Variants in TMEFF2 observed in about 807,000 individuals in gnomAD.
The protein encoded by TMEFF2 is transmembrane protein with EGF like and two follistatin like domains 2.
In TMEFF2, 28 loss-of-function variants were observed where a neutral mutation model predicts 53.8. The observed-to-expected ratio is 0.52, with a 90% CI of 0.39 to 0.71. TMEFF2 has a LOEUF of 0.71. Ranked by LOEUF, TMEFF2 falls within the 30% of genes least tolerant of loss-of-function variation. TMEFF2 has a pLI of 0.00. For missense variants in TMEFF2, 353 were observed against 455.2 expected (o/e 0.78, Z 2.04); for synonymous variants, 162 against 166.3 (o/e 0.97, Z 0.20).
intron 4 of TMEFF2, among the ~76,000 whole-genome samples, chr2:192,109,495 C>T (rs370800915): frequency 5.3e-5 from 8 of 151,782 alleles, no homozygotes; most frequent in Non-Finnish European, 1.2e-4. Flanking sequence ...AAATTTTTAA[C>T]CAACAATAAA....
chr2:191,972,517 T>C (rs1230690498), intron 7 of TMEFF2, among the ~76,000 whole-genome samples: 1 of 151,640 alleles, frequency 6.6e-6, no homozygotes, highest in East Asian at 1.9e-4. Flanking sequence ...ATCTGTCTGT[T>C]ACTAAAAATT....
At chr2:192,031,240 A>C (rs1687129070) in intron 5 of TMEFF2, 1 of 152,222 alleles carries the variant, frequency 6.6e-6, no homozygotes, top group Admixed American at 6.5e-5. Context: ...TATTTATATT[A>C]AACTACATAT....
chr2:192,136,927 A>G (rs1366127984), intron 4 of TMEFF2, among the ~76,000 whole-genome samples: 1 of 152,228 alleles, frequency 6.6e-6, no homozygotes, highest in African/African-American at 2.4e-5. Context: ...GGCAGTTATA[A>G]TCTACTTAGG....
intron 7 of TMEFF2, among the ~76,000 whole-genome samples, chr2:191,959,300 T>G (rs1236885693): frequency 6.6e-6 from 1 of 152,328 alleles, no homozygotes; most frequent in Middle Eastern, 3.4e-3. Context: ...TTACAAATGG[T>G]TTGTTCTAGA....
chr2:192,153,543 C>T (rs1017344816), intron 4 of TMEFF2, among the ~76,000 whole-genome samples: 1 of 151,842 alleles, frequency 6.6e-6, no homozygotes, highest in Non-Finnish European at 1.5e-5. Flanking sequence ...AACTATTGTG[C>T]AAGCTGATCA....
At chr2:192,025,212 G>A (rs1686942999) in intron 5 of TMEFF2, among the ~76,000 whole-genome samples, 1 of 152,060 alleles carries the variant, frequency 6.6e-6, no homozygotes, top group Admixed American at 6.6e-5. Context: ...ACTTTTCTAG[G>A]ACTGTTAATG....
At chr2:191,978,624 G>T (rs991651657) in intron 7 of TMEFF2, among the ~76,000 whole-genome samples, 3 of 151,990 alleles carry the variant, frequency 2.0e-5, no homozygotes, top group Non-Finnish European at 4.4e-5. Flanking sequence ...CATTCTAGAA[G>T]CTTATTTTCT....
intron 7 of TMEFF2, among the ~76,000 whole-genome samples, chr2:191,963,757 C>T (rs13391396): frequency 0.01 from 1,568 of 152,218 alleles, 25 homozygotes; most frequent in African/African-American, 0.036. Context: ...GGTTGTCGCT[C>T]AGTGATTTTG....
chr2:192,142,643 A>G (rs1308135297), intron 4 of TMEFF2, among the ~76,000 whole-genome samples: 1 of 152,130 alleles, frequency 6.6e-6, no homozygotes, highest in African/African-American at 2.4e-5. Flanking sequence ...GTTAACTAAA[A>G]ATATCCATGG....
At chr2:192,024,196 A>G (rs2105864139) in intron 5 of TMEFF2, among the ~76,000 whole-genome samples, 1 of 152,300 alleles carries the variant, frequency 6.6e-6, no homozygotes, top group East Asian at 1.9e-4. Flanking sequence ...TATTTTATGG[A>G]TACTTCCCAC....
chr2:192,033,864 CCT>C, intron 5 of TMEFF2, among the ~76,000 whole-genome samples: 1 of 152,176 alleles, frequency 6.6e-6, no homozygotes, highest in East Asian at 1.9e-4. Flanking sequence ...GAGGTTTGCA[CCT>C]CTTTCTCCTT....
At chr2:192,008,526 T>C (rs1686554058) in intron 5 of TMEFF2, among the ~76,000 whole-genome samples, 2 of 152,196 alleles carry the variant, frequency 1.3e-5, no homozygotes, top group African/African-American at 2.4e-5. Context: ...TGCTTGCTCA[T>C]TAAGCTGGAA....
At chr2:192,056,901 C>T (rs976476932) in intron 5 of TMEFF2, among the ~76,000 whole-genome samples, 9 of 152,160 alleles carry the variant, frequency 5.9e-5, no homozygotes, top group African/African-American at 1.9e-4. Context: ...TCTTATCAGA[C>T]ACTAAATCTG....
intron 4 of TMEFF2, among the ~76,000 whole-genome samples, chr2:192,140,519 G>GA (rs564865185): frequency 1.4e-4 from 21 of 152,096 alleles, no homozygotes; most frequent in Non-Finnish European, 2.6e-4. Flanking sequence ...GTTCCACATT[G>GA]AAAGAAATAG....
intron 4 of TMEFF2, among the ~76,000 whole-genome samples, chr2:192,089,039 A>G (rs1487639379): frequency 6.6e-6 from 1 of 152,148 alleles, no homozygotes; most frequent in African/African-American, 2.4e-5. Context: ...CATAGGAGGT[A>G]CTCAGTAGAC....
At chr2:192,007,915 T>C (rs1241163443) in intron 5 of TMEFF2, among the ~76,000 whole-genome samples, 1 of 152,134 alleles carries the variant, frequency 6.6e-6, no homozygotes, top group East Asian at 1.9e-4. Context: ...AAGGCAAAAA[T>C]GTCACCCCAT....
intron 4 of TMEFF2, among the ~76,000 whole-genome samples, chr2:192,097,132 C>G (rs924729077): frequency 3.3e-5 from 5 of 152,186 alleles, no homozygotes; most frequent in African/African-American, 1.2e-4. Flanking sequence ...GTTGGCTTCA[C>G]TTATAAGTAT....
intron 4 of TMEFF2, among the ~76,000 whole-genome samples, chr2:192,085,239 G>T (rs905417362): frequency 6.6e-6 from 1 of 152,128 alleles, no homozygotes; most frequent in African/African-American, 2.4e-5. Flanking sequence ...AACCATGACA[G>T]TTCTGGGGTA....
At chr2:192,020,886 A>G (rs1236742210) in intron 5 of TMEFF2, among the ~76,000 whole-genome samples, 1 of 152,192 alleles carries the variant, frequency 6.6e-6, no homozygotes, top group African/African-American at 2.4e-5. Context: ...TGTGCTTTCA[A>G]CAGCATATTG....
Sources: gnomAD v4.1 joint callset for allele counts (sites outside exome capture counted in the v4.1 genomes callset) on GRCh38, gnomAD v4.1.1 for gene constraint, MANE v1.5 for transcripts, NCBI Gene and HGNC (gene_info 2026-07-23, HGNC 2026-07-21) for gene names.